ATP10A: variants seen among roughly 807,000 people sequenced by gnomAD.
ATP10A encodes the protein phospholipid-transporting ATPase VA.
A neutral mutation model predicts 147.8 loss-of-function variants in ATP10A; 111 were observed. That is an observed-to-expected ratio of 0.75 (90% confidence interval 0.64 to 0.88). ATP10A has a LOEUF of 0.88. Among genes scored for constraint, ATP10A ranks in the 40% least tolerant of loss-of-function variants. The probability of loss-of-function intolerance (pLI) is 0.00; values close to 1 mark genes in which losing one functional copy is unlikely to be tolerated. For synonymous variants in ATP10A, 875 were observed against 841.6 expected (o/e 1.04, Z -0.69); for missense variants, 1,927 against 1,959.0 (o/e 0.98, Z 0.31).
chr15:25,804,586 G>A (rs1199579100), intron 1 of ATP10A, among the ~76,000 whole-genome samples: 1 of 152,072 alleles, frequency 6.6e-6, no homozygotes, highest in Non-Finnish European at 1.5e-5. Context: ...AGAGTGGAAA[G>A]AGCTGAGGCC....
chr15:25,718,086 T>C (rs1274292997), intron 8 of ATP10A, 96 bp downstream of exon 8: 2 of 1,309,062 alleles, frequency 1.5e-6, no homozygotes, highest in East Asian at 2.5e-5. Flanking sequence ...GACAGTGTAT[T>C]TGTAGGATTA....
intron 13 of ATP10A, among the ~76,000 whole-genome samples, chr15:25,696,873 G>A (rs1900369020): frequency 1.3e-5 from 2 of 152,228 alleles, no homozygotes; most frequent in Non-Finnish European, 2.9e-5. Flanking sequence ...ATGCAGGAAT[G>A]GCAGTGGCAG....
intron 10 of ATP10A, among the ~76,000 whole-genome samples, chr15:25,711,240 G>A (rs958319281): frequency 2.0e-5 from 3 of 152,080 alleles, no homozygotes; most frequent in Admixed American, 2.0e-4. Flanking sequence ...AGTGTTTCGA[G>A]CCCTCTGAAG....
intron 2 of ATP10A, among the ~76,000 whole-genome samples, chr15:25,757,524 A>C (rs1301258661): frequency 6.6e-6 from 1 of 152,182 alleles, no homozygotes; most frequent in Non-Finnish European, 1.5e-5. Flanking sequence ...TTCAAAGGTT[A>C]TTTAGAGGTT....
At chr15:25,847,754 G>A (rs529777249) in intron 1 of ATP10A, among the ~76,000 whole-genome samples, 35 of 149,780 alleles carry the variant, frequency 2.3e-4, no homozygotes, top group African/African-American at 7.1e-4. Context: ...TCTCAGCCCC[G>A]CAAGCAGCTG....
At position 25,781,852 on chromosome 15, in the gene ATP10A, C is replaced by T. The variant is rs532322413; in HGVS notation, c.450-629G>A. On this transcript the variant is annotated intron_variant, in intron 1 of 20. Transcript: ENST00000555815. ...CCAGTCACAGCTTAACGGCAAGAGG[C>T]TTCTTTCTAGGAAGATATGAATATT... Among the ~76,000 whole-genome samples, 7 of 152,190 alleles carry T rather than the reference C, an allele frequency of 4.6e-5. No homozygotes were observed. The East Asian group carries it at 1.4e-3, about 29-fold the overall frequency.
At chr15:25,684,843 T>G (rs1368215030) in intron 16 of ATP10A, among the ~76,000 whole-genome samples, 4 of 152,184 alleles carry the variant, frequency 2.6e-5, no homozygotes, top group Non-Finnish European at 4.4e-5. Flanking sequence ...CTTGTGAAGA[T>G]CATAAGAAAT....
At chr15:25,863,456 A>G (rs8039874), upstream of ATP10A, among the ~76,000 whole-genome samples, 33,014 of 152,124 alleles carry the variant, frequency 0.22, 4,939 homozygotes, top group African/African-American at 0.43. Flanking sequence ...GCGGGAAACA[A>G]AAAAAGCCCG....
intron 1 of ATP10A, chr15:25,848,715 A>C (rs183329505): frequency 6.5e-6 from 1 of 154,022 alleles, no homozygotes; most frequent in Admixed American, 6.5e-5. Context: ...AATTCACTCC[A>C]GAATAATCTC....
intron 2 of ATP10A, among the ~76,000 whole-genome samples, chr15:25,774,867 CATTT>C (rs1193168103): frequency 6.6e-6 from 1 of 152,102 alleles, no homozygotes; most frequent in Non-Finnish European, 1.5e-5. Context: ...TTGTCAAAGT[CATTT>C]ATTTCTGTCT....
At chr15:25,764,814 C>T (rs1191835587) in intron 2 of ATP10A, among the ~76,000 whole-genome samples, 4 of 152,220 alleles carry the variant, frequency 2.6e-5, no homozygotes, top group Non-Finnish European at 4.4e-5. Flanking sequence ...AAACCGCAGA[C>T]GCTCTACCTT....
In ATP10A at chr15:25,819,903, A is replaced by G. The variant is rs73368950; in HGVS notation, c.450-38680T>C. On this transcript the variant is annotated intron_variant, in intron 1 of 20. Transcript: ENST00000555815. ...ACACAAGGATATAGAGTGTAAAATG[A>G]TAATATTGGAGACTTAAAAAGGGGG... 3.9e-3 allele frequency among the ~76,000 whole-genome samples: 588 copies of G among 152,214 alleles called. 2 individuals are homozygous for G. The highest frequency in any genetic ancestry group is 0.013 in the African/African-American group (558 of 41,528).
At chr15:25,783,047 G>C (rs749829279) in intron 1 of ATP10A, among the ~76,000 whole-genome samples, 1 of 151,876 alleles carries the variant, frequency 6.6e-6, no homozygotes, top group Non-Finnish European at 1.5e-5. Flanking sequence ...ATGGTGGCAC[G>C]AGCCTGTAGT....
chr15:25,826,503 A>G (rs1192209730), intron 1 of ATP10A, among the ~76,000 whole-genome samples: 2 of 152,200 alleles, frequency 1.3e-5, no homozygotes, highest in African/African-American at 4.8e-5. Context: ...TGGAGGTTGC[A>G]GTGAGCCGAT....
intron 1 of ATP10A, among the ~76,000 whole-genome samples, chr15:25,836,319 C>T (rs1191133971): frequency 6.6e-6 from 1 of 152,170 alleles, no homozygotes; most frequent in Non-Finnish European, 1.5e-5. Flanking sequence ...ATAACTTCAA[C>T]TCTCTCTTTC....
intron 2 of ATP10A, among the ~76,000 whole-genome samples, chr15:25,775,495 G>T (rs1167804555): frequency 6.6e-6 from 1 of 152,182 alleles, no homozygotes; most frequent in East Asian, 1.9e-4. Flanking sequence ...TGACTGTGAA[G>T]GTACGTGTTT....
chr15:25,680,145 G>A lies in ATP10A; in HGVS notation c.3842C>T (p.Thr1281Met), dbSNP rs546149030. The change falls in exon 20 of 21, where the codon ACG becomes ATG. Residue 1281 changes from threonine (T) to methionine (M), a missense_variant. By Grantham distance (81) the Thr-to-Met change is moderately conservative (BLOSUM62 -1). Transcript: ENST00000555815. ...DPVFYLTCLM[T>M]PVAALLPRLF... ...CCTGGGCAGCAGTGCAGCGACAGGCGTCATCAGGCAAGTCAAGTAAAACAC... is the reference window on the plus strand; with the variant it reads ...CCTGGGCAGCAGTGCAGCGACAGGCATCATCAGGCAAGTCAAGTAAAACAC... 27 of 1,613,954 alleles carry A rather than the reference G, an allele frequency of 1.7e-5. No individual in the cohort carries two copies. In the South Asian group the frequency reaches 2.4e-4, roughly 14 times the overall value.
intron 1 of ATP10A, among the ~76,000 whole-genome samples, chr15:25,851,250 C>CA (rs939230417): frequency 6.6e-6 from 1 of 152,212 alleles, no homozygotes; most frequent in African/African-American, 2.4e-5. Context: ...CACGGGCCTC[C>CA]AAAGCACCTA....
At chr15:25,822,948 TTG>T (rs1345482844) in intron 1 of ATP10A, among the ~76,000 whole-genome samples, 2 of 152,182 alleles carry the variant, frequency 1.3e-5, no homozygotes, top group African/African-American at 4.8e-5. Context: ...CTTCACTAAA[TTG>T]TGAGTCATTT....
Sources: gnomAD v4.1 joint callset for allele counts (sites outside exome capture counted in the v4.1 genomes callset) on GRCh38, gnomAD v4.1.1 for gene constraint, MANE v1.5 for transcripts, NCBI Gene and HGNC (gene_info 2026-07-23, HGNC 2026-07-21) for gene names.